SHANK2: variants seen among roughly 807,000 people sequenced by gnomAD.
The protein encoded by SHANK2 is SH3 and multiple ankyrin repeat domains protein 2.
Under a neutral mutation model 133.7 loss-of-function variants are expected in SHANK2, and 43 were observed. That is an observed-to-expected ratio of 0.32 (90% CI 0.25 to 0.41). SHANK2 has a LOEUF of 0.41. Among genes scored for constraint, SHANK2 ranks in the 10% least tolerant of loss-of-function variants. The pLI is 1.00. For missense variants in SHANK2, 1,994 were observed against 2,235.8 expected, an observed-to-expected ratio of 0.89 and a Z score of 2.18; for synonymous variants, 1,017 against 952.8, an observed-to-expected ratio of 1.07 and a Z score of -1.24.
At chr11:70,700,612 C>T (rs1294227180) in intron 14 of SHANK2, among the ~76,000 whole-genome samples, 1 of 152,202 alleles carries the variant, frequency 6.6e-6, no homozygotes, top group African/African-American at 2.4e-5. Flanking sequence ...TGCCCAGGTG[C>T]AGGAGGACAC....
At chr11:70,946,572 C>A (rs1950740596) in intron 10 of SHANK2, among the ~76,000 whole-genome samples, 1 of 148,276 alleles carries the variant, frequency 6.7e-6, no homozygotes, top group Non-Finnish European at 1.5e-5. Flanking sequence ...TTCCTCTCCA[C>A]TAACCAACAC....
chr11:70,905,255 C>T (rs545985366), intron 10 of SHANK2, among the ~76,000 whole-genome samples: 113 of 152,296 alleles, frequency 7.4e-4, no homozygotes, highest in Non-Finnish European at 1.4e-3. Context: ...TATCAGGCAA[C>T]CCCTTTCAAG....
intron 17 of SHANK2, among the ~76,000 whole-genome samples, chr11:70,659,605 T>C (rs1555012624): frequency 6.6e-6 from 1 of 152,060 alleles, no homozygotes; most frequent in African/African-American, 2.4e-5. Context: ...CACAGACTTT[T>C]CCTCCTTCCA....
intron 14 of SHANK2, among the ~76,000 whole-genome samples, chr11:70,743,454 T>C (rs760390486): frequency 6.6e-6 from 1 of 152,154 alleles, no homozygotes; most frequent in Non-Finnish European, 1.5e-5. Flanking sequence ...TAAAGGACTT[T>C]CCAGCCTCCA....
Position 70,467,966 on chromosome 11 carries a change from C to A in SHANK2, c.*4903G>T, listed in dbSNP as rs1327723786. The A allele has an allele frequency of 6.6e-6, 1 of 152,560 alleles. No individual in the cohort carries two copies. The highest frequency in any genetic ancestry group is 1.5e-5 in the Non-Finnish European group (1 of 68,034). 9.5% of individuals were successfully genotyped at this position (152,560 alleles called of 1,614,324 possible). On this transcript the variant is annotated 3_prime_UTR_variant, in exon 26 of 26. Transcript: ENST00000601538. ...GTCCTCAACATTTCATAGCTCGAAC[C>A]GTCCTTTCTTTACGTTGTGCATTGA...
intron 8 of SHANK2, among the ~76,000 whole-genome samples, chr11:71,078,398 T>TA (rs1238840297): frequency 0.032 from 4,798 of 151,764 alleles, 279 homozygotes; most frequent in African/African-American, 0.11. Context: ...ATGGTAGGAT[T>TA]AAAAAAAAAT....
chr11:70,839,203 A>C (rs556170864), intron 11 of SHANK2, among the ~76,000 whole-genome samples: 122 of 152,370 alleles, frequency 8.0e-4, no homozygotes, highest in African/African-American at 2.9e-3. Context: ...GGCTCCTTCA[A>C]ATTACTTTTT....
Position 71,109,998 on chromosome 11 carries a change from T to A in SHANK2, c.535A>T (p.Ile179Phe). The change falls in exon 6 of 26, where the codon ATC (isoleucine) becomes TTC (phenylalanine). Residue 179 changes from isoleucine to phenylalanine, a missense_variant. Coordinates refer to ENST00000601538, the MANE Select transcript of SHANK2 (RefSeq NM_012309.5). ...DHIQHRLVEK[I>F]TKMLDRGLDP... is the part of the protein sequence containing the mutation. ...AGGCCTCGGTCCAGCATCTTGGTGA[T>A]CTTCTCCACCAAGCGATGCTGAATG... 1.9e-6 allele frequency: 3 copies of A among 1,551,788 alleles called. No individual in the cohort carries two copies. Among genetic ancestry groups the A allele is most frequent in the Non-Finnish European group, 2.6e-6 (3 of 1,146,988 alleles).
At chr11:70,895,688 C>T (rs945546479) in intron 11 of SHANK2, 1 of 152,454 alleles carries the variant, frequency 6.6e-6, no homozygotes, top group Non-Finnish European at 1.5e-5. Context: ...AGCTCTTTGC[C>T]TAAATAGAAG....
At chr11:70,733,459 G>A (rs924325759) in intron 14 of SHANK2, among the ~76,000 whole-genome samples, 14 of 152,182 alleles carry the variant, frequency 9.2e-5, no homozygotes, top group African/African-American at 3.4e-4. Flanking sequence ...ATCCCTTTCT[G>A]GAGGCTTCAC....
chr11:70,810,009 G>A (rs574216080), intron 12 of SHANK2, among the ~76,000 whole-genome samples: 7 of 152,348 alleles, frequency 4.6e-5, no homozygotes, highest in Non-Finnish European at 8.8e-5. Flanking sequence ...GCACAGCAGT[G>A]CATCGATGTG....
intron 1 of SHANK2, among the ~76,000 whole-genome samples, chr11:71,240,169 C>T (rs1018004467): frequency 2.6e-5 from 4 of 152,154 alleles, no homozygotes; most frequent in Non-Finnish European, 4.4e-5. Context: ...TAGGGATTCT[C>T]GGATCCAGCA....
chr11:70,939,034 G>T (rs1950608684), intron 10 of SHANK2, among the ~76,000 whole-genome samples: 1 of 149,882 alleles, frequency 6.7e-6, no homozygotes, highest in East Asian at 2.0e-4. Flanking sequence ...AGGGACAGAG[G>T]GAGGCAGACA....
intron 11 of SHANK2, among the ~76,000 whole-genome samples, chr11:70,839,705 C>T (rs1211752930): frequency 2.0e-5 from 3 of 152,120 alleles, no homozygotes; most frequent in Admixed American, 6.5e-5. Context: ...CTTTTTAGAT[C>T]GAGGTGTCCC....
rs2058709824 is a variant in SHANK2, at chr11:70,479,797, G to A, written c.4979+5517C>T. Among the ~76,000 whole-genome samples, 1 of 152,242 alleles carries A rather than the reference G, an allele frequency of 6.6e-6. No homozygotes were observed. Among genetic ancestry groups the A allele is most frequent in the South Asian group, 2.1e-4 (1 of 4,836 alleles). On this transcript the variant is annotated intron_variant, in intron 25 of 25. Transcript: ENST00000601538. The surrounding 1 kb of genome is among the most constrained non-coding windows in gnomAD (Gnocchi z 4.4). Reference sequence around the variant, plus strand: ...TGGCTTTACTATCGGCGCCTGGTATGTGTCAGTATCTCTCAATAAAGCTGG... The same window carrying A: ...TGGCTTTACTATCGGCGCCTGGTATATGTCAGTATCTCTCAATAAAGCTGG...
At chr11:70,543,938 A>G (rs1262668516) in intron 17 of SHANK2, among the ~76,000 whole-genome samples, 3 of 152,068 alleles carry the variant, frequency 2.0e-5, no homozygotes, top group African/African-American at 7.2e-5. Context: ...GTGTGTGGGA[A>G]CCCCACTCAT....
At chr11:70,784,130 G>A (rs1947582158) in intron 14 of SHANK2, among the ~76,000 whole-genome samples, 1 of 152,144 alleles carries the variant, frequency 6.6e-6, no homozygotes, top group South Asian at 2.1e-4. Flanking sequence ...CACCCAGCCA[G>A]GGTCTCACTT....
chr11:70,670,298 G>A lies in SHANK2; in HGVS notation c.1854-8620C>T, dbSNP rs78150713. On this transcript the variant is annotated intron_variant, in intron 15 of 25. Transcript: ENST00000601538. ...TTAGAAAGAGGATCCTCCAGGGAACGGTGATGGCAGTGGATGTCCTAGAAA... is the reference window on the plus strand; with the variant it reads ...TTAGAAAGAGGATCCTCCAGGGAACAGTGATGGCAGTGGATGTCCTAGAAA... Among the ~76,000 whole-genome samples, 50 of 152,356 alleles carry A rather than the reference G, an allele frequency of 3.3e-4. 2 individuals carry two copies. The East Asian group carries it at 9.6e-3, about 29-fold the overall frequency.
At chr11:70,942,582 C>T (rs1164629463) in intron 10 of SHANK2, 1 of 456,658 alleles carries the variant, frequency 2.2e-6, no homozygotes, top group Non-Finnish European at 4.4e-6. Context: ...GACAAGCGAG[C>T]CATATCCAAA....
Sources: gnomAD v4.1 joint callset for allele counts (sites outside exome capture counted in the v4.1 genomes callset) on GRCh38, gnomAD v4.1.1 for gene constraint, Gnocchi (gnomAD v3.1) non-coding constraint, MANE v1.5 for transcripts, NCBI Gene and HGNC (gene_info 2026-07-23, HGNC 2026-07-21) for gene names.